The following ZNF500 variants were observed in gnomAD, a reference collection of about 807,000 sequenced individuals.
The protein encoded by ZNF500 is zinc finger protein with KRAB and SCAN domains 18.
A neutral mutation model predicts 30.1 loss-of-function variants in ZNF500; 31 were observed. The ratio of observed to expected loss-of-function variants is 1.03; its 90% CI spans 0.77 to 1.39. The LOEUF (loss-of-function observed/expected upper bound fraction) is 1.39, where lower values mean the gene tolerates loss of function less well. ZNF500 is among the 40% of genes most tolerant of loss of function. The pLI, the probability that ZNF500 is intolerant of heterozygous loss-of-function variation, is 0.00. For missense variants in ZNF500, 817 were observed against 657.8 expected (o/e 1.24, Z -2.65); for synonymous variants, 392 against 282.0 (o/e 1.39, Z -3.91).
Position 4,751,449 on chromosome 16 carries a change from T to C in ZNF500, c.*927A>G, listed in dbSNP as rs1397657336. The C allele has an allele frequency of 2.2e-6, 2 of 902,158 alleles. No homozygotes were observed. The highest frequency in any genetic ancestry group is 3.4e-5 in the African/African-American group (2 of 58,798). The allele number at this position is 902,158 out of a possible 1,614,324, so 55.9% of individuals were successfully genotyped here. On this transcript the variant is annotated 3_prime_UTR_variant, in exon 6 of 6. Coordinates refer to ENST00000219478, the MANE Select transcript of ZNF500 (RefSeq NM_021646.4). ...TCAGGAAGATGGAACTCAGGGGTGCTTTCCCGCCCCAGGTGTCTTCCGCCC... is the reference window on the plus strand; with the variant it reads ...TCAGGAAGATGGAACTCAGGGGTGCCTTCCCGCCCCAGGTGTCTTCCGCCC...
chr16:4,765,049 C>G (rs1436891766), intron 2 of ZNF500, among the ~76,000 whole-genome samples: 1 of 152,146 alleles, frequency 6.6e-6, no homozygotes, highest in Non-Finnish European at 1.5e-5. Flanking sequence ...GCCTGTAATC[C>G]CAGCACTTCG....
Position 4,762,745 on chromosome 16 carries a change from C to G in ZNF500, c.426G>C (p.Leu142=). The G allele has an allele frequency of 1.2e-6, 2 of 1,606,428 alleles. No homozygotes were observed. Among genetic ancestry groups the G allele is most frequent in the South Asian group, 2.2e-5 (2 of 90,136 alleles). The change falls in exon 3 of 6, where the codon CTG becomes CTC. Residue 142 remains leucine, a synonymous_variant. Transcript: ENST00000219478. Reference sequence around the variant, plus strand: ...CGAGGGGCACCTCGTCATCAGAAAGCAGCTCTGAGCCCTGCACACAGACAG... The same window carrying G: ...CGAGGGGCACCTCGTCATCAGAAAGGAGCTCTGAGCCCTGCACACAGACAG... ...PRKHRQRGSE[L]LSDDEVPLGI...
rs749347263 is a variant in ZNF500, at chr16:4,760,505, C to T, written c.747G>A (p.Pro249=). 2.1e-5 allele frequency: 34 copies of T among 1,613,410 alleles called. No individual in the cohort carries two copies. The East Asian group carries it at 2.9e-4, about 14-fold the overall frequency. ...RCMDPAQRDA[P]LENEGPGIQL... ...CTTGCAAGTTACCTTCATTCTCCAG[C>T]GGCGCGTCCCGCTGAGCTGGGTCCA... The change falls in exon 5 of 6, where the codon CCG becomes CCA. Residue 249 remains proline, a synonymous_variant. Coordinates refer to ENST00000219478, the MANE Select transcript of ZNF500 (RefSeq NM_021646.4).
At chr16:4,747,597 C>T (rs200704525), downstream of ZNF500, 95 of 1,609,752 alleles carry the variant, frequency 5.9e-5, no homozygotes, top group African/African-American at 1.2e-3. Flanking sequence ...GCCAGGGAGG[C>T]CCTGATGCCT....
At chr16:4,747,510 C>T, downstream of ZNF500, 4 of 1,613,254 alleles carry the variant, frequency 2.5e-6, no homozygotes, top group Non-Finnish European at 3.4e-6. Context: ...AAGCTCTGTG[C>T]CAAGGGGCAG....
chr16:4,763,577 A>G (rs2082231265), intron 2 of ZNF500: 2 of 985,304 alleles, frequency 2.0e-6, no homozygotes, highest in South Asian at 9.4e-5. Flanking sequence ...TCAGGGACCC[A>G]TCTCAGGCTT....
At chr16:4,746,703 C>T (rs1014239566), downstream of ZNF500, 5 of 855,750 alleles carry the variant, frequency 5.8e-6, no homozygotes, top group South Asian at 5.5e-5. Context: ...GCATGAGGCA[C>T]ACCTCCTCGG....
chr16:4,752,718 G>A lies in ZNF500; in HGVS notation c.1101C>T (p.Asn367=). 1 of 1,614,230 alleles carries A rather than the reference G, an allele frequency of 6.2e-7. No homozygotes were observed. ...VCGKGFSDRS[N]FSTHQRVHTG... is the part of the protein sequence containing the mutation. Reference sequence around the variant, plus strand: ...TGTGCACCCTCTGGTGCGTGCTGAAGTTGGAGCGGTCGCTAAAGCCCTTCC... The same window carrying A: ...TGTGCACCCTCTGGTGCGTGCTGAAATTGGAGCGGTCGCTAAAGCCCTTCC... The change falls in exon 6 of 6, where the codon AAC becomes AAT. Residue 367 remains asparagine, a synonymous_variant. Coordinates refer to ENST00000219478, the MANE Select transcript of ZNF500 (RefSeq NM_021646.4).
intron 5 of ZNF500, among the ~76,000 whole-genome samples, chr16:4,759,008 G>A (rs1055111506): frequency 6.6e-6 from 1 of 152,106 alleles, no homozygotes; most frequent in African/African-American, 2.4e-5. Flanking sequence ...TCAGGAATTC[G>A]AGACCAGCTT....
chr16:4,756,050 GA>G (rs549412964), intron 5 of ZNF500, among the ~76,000 whole-genome samples: 250 of 152,264 alleles, frequency 1.6e-3, no homozygotes, highest in African/African-American at 5.8e-3. Flanking sequence ...TAGGGGAGGG[GA>G]AATGGGGAGA....
intron 5 of ZNF500, among the ~76,000 whole-genome samples, chr16:4,757,154 G>A (rs2082143329): frequency 6.6e-6 from 1 of 152,176 alleles, no homozygotes; most frequent in African/African-American, 2.4e-5. Flanking sequence ...CTGAAATATG[G>A]CTAATTTTAT....
downstream of ZNF500, among the ~76,000 whole-genome samples, chr16:4,744,489 A>G (rs961139756): frequency 1.3e-5 from 2 of 152,018 alleles, no homozygotes; most frequent in Admixed American, 1.3e-4. Context: ...TACAAAGTGA[A>G]AAAAGTGAAG....
chr16:4,755,201 C>G (rs969707214), intron 5 of ZNF500, among the ~76,000 whole-genome samples: 1 of 152,230 alleles, frequency 6.6e-6, no homozygotes, highest in Non-Finnish European at 1.5e-5. Context: ...CACTATATTG[C>G]CCAGGCTGGC....
chr16:4,746,318 A>G (rs745981211), downstream of ZNF500: 36 of 1,538,442 alleles, frequency 2.3e-5, no homozygotes, highest in Non-Finnish European at 3.2e-5. Context: ...AACCCAGCGC[A>G]GGTCACAGAG....
intron 1 of ZNF500, among the ~76,000 whole-genome samples, chr16:4,766,604 G>A (rs896233570): frequency 6.6e-6 from 1 of 152,210 alleles, no homozygotes; most frequent in African/African-American, 2.4e-5. Flanking sequence ...CTGGGCGACA[G>A]AGAGAGACTC....
intron 4 of ZNF500, among the ~76,000 whole-genome samples, chr16:4,762,053 C>T (rs866975714): frequency 5.3e-5 from 8 of 152,124 alleles, no homozygotes; most frequent in Non-Finnish European, 7.3e-5. Flanking sequence ...CGGGCACAGC[C>T]GAGTACTTAA....
At chr16:4,746,414 C>G (rs776331529), downstream of ZNF500, 1 of 1,613,034 alleles carries the variant, frequency 6.2e-7, no homozygotes, top group Non-Finnish European at 8.5e-7. Flanking sequence ...CTGGGCCAGG[C>G]CCGCAGCTGG....
At chr16:4,761,534 A>C (rs2082201025) in intron 4 of ZNF500, among the ~76,000 whole-genome samples, 1 of 150,712 alleles carries the variant, frequency 6.6e-6, no homozygotes, top group South Asian at 2.1e-4. Flanking sequence ...CACATATAAA[A>C]ATTATAAATA....
Position 4,762,721 on chromosome 16 carries a change from G to T in ZNF500, c.450C>A (p.Leu150=). The change falls in exon 3 of 6, where the codon CTC becomes CTA. Residue 150 remains leucine (L), a synonymous_variant. Transcript: ENST00000219478. Reference sequence around the variant, plus strand: ...GTTTTAAGAACTGTCCCCCTATCCCGAGGGGCACCTCGTCATCAGAAAGCA... The same window carrying T: ...GTTTTAAGAACTGTCCCCCTATCCCTAGGGGCACCTCGTCATCAGAAAGCA... ...SELLSDDEVP[L]GIGGQFLKHQ... 6.2e-7 allele frequency: 1 copy of T among 1,612,582 alleles called. No individual in the cohort carries two copies. Among genetic ancestry groups the T allele is most frequent in the South Asian group, 1.1e-5 (1 of 90,982 alleles).
Sources: allele counts gnomAD v4.1 joint callset (sites outside exome capture counted in the v4.1 genomes callset), GRCh38; gene constraint gnomAD v4.1.1; transcripts MANE v1.5; gene names NCBI Gene and HGNC (gene_info 2026-07-23, HGNC 2026-07-21).